The following FGF13 variants were observed in gnomAD, a reference collection of about 807,000 sequenced individuals.
FGF13 encodes fibroblast growth factor 13.
A neutral mutation model predicts 19.5 loss-of-function variants in FGF13; 2 were observed. The ratio of observed to expected loss-of-function variants is 0.10; its 90% CI spans 0.04 to 0.32. The LOEUF (loss-of-function observed/expected upper bound fraction) is 0.32, where lower values mean the gene tolerates loss of function less well. Ranked by LOEUF, FGF13 falls within the 10% of genes least tolerant of loss-of-function variation. The probability of loss-of-function intolerance (pLI) is 1.00; values close to 1 mark genes in which losing one functional copy is unlikely to be tolerated. For synonymous variants in FGF13, 72 were observed against 76.9 expected (o/e 0.94, Z 0.33); for missense variants, 113 against 192.7 (o/e 0.59, Z 2.45).
intron 1 of FGF13, among the ~76,000 whole-genome samples, chrX:138,884,450 A>G (rs1349756653): frequency 2.7e-5 from 3 of 112,367 alleles, no homozygotes. Flanking sequence ...TACCCAAAGT[A>G]TTTGTTCTCT....
At chrX:138,774,497 G>A (rs200301314) in intron 3 of FGF13, among the ~76,000 whole-genome samples, 2 of 111,775 alleles carry the variant, frequency 1.8e-5, no homozygotes, top group East Asian at 5.6e-4. Context: ...CTAGTAAGTA[G>A]TGAAATTAAC....
chrX:138,711,988 G>C (rs1184494471), upstream of FGF13: 5 of 111,420 alleles, frequency 4.5e-5, no homozygotes, highest in African/African-American at 1.6e-4. Context: ...GCGGGGGTTT[G>C]CTCGGCATTG....
chrX:139,201,807 A>G (rs2084417273), intron 1 of FGF13, among the ~76,000 whole-genome samples: 1 of 112,379 alleles, frequency 8.9e-6, no homozygotes, highest in African/African-American at 3.2e-5. Flanking sequence ...ACTAATGGCT[A>G]CTACACACTT....
At chrX:139,141,272 C>G (rs1282499237) in intron 1 of FGF13, among the ~76,000 whole-genome samples, 1 of 111,502 alleles carries the variant, frequency 9.0e-6, no homozygotes, top group Non-Finnish European at 1.9e-5. Flanking sequence ...TCCACAAAAG[C>G]AAGGAATTCA....
chrX:139,198,806 G>A (rs746204045), intron 1 of FGF13, among the ~76,000 whole-genome samples: 8 of 110,896 alleles, frequency 7.2e-5, no homozygotes, highest in African/African-American at 2.6e-4. Flanking sequence ...AGGAGAAATC[G>A]GATCTAAGGC....
At chrX:139,020,942 CAGAAAAAAAATGTAGAGA>C (rs2092175439) in intron 1 of FGF13, among the ~76,000 whole-genome samples, 1 of 109,799 alleles carries the variant, frequency 9.1e-6, no homozygotes, top group Admixed American at 9.7e-5. Context: ...TAACCTCAAC[CAGAAAAAAAATGTAGAGA>C]AGGAAGAATG....
intron 1 of FGF13, among the ~76,000 whole-genome samples, chrX:139,061,960 T>G (rs2092337678): frequency 9.0e-6 from 1 of 111,673 alleles, no homozygotes; most frequent in South Asian, 3.8e-4. Context: ...TTATATATTT[T>G]GAACATTTAC....
chrX:139,144,007 G>A (rs1312309306), intron 1 of FGF13, among the ~76,000 whole-genome samples: 1 of 111,414 alleles, frequency 9.0e-6, no homozygotes, highest in African/African-American at 3.3e-5. Flanking sequence ...GGCCAGCTCT[G>A]CAGACCACCA....
intron 3 of FGF13, among the ~76,000 whole-genome samples, chrX:138,845,027 A>C (rs1422599464): frequency 8.9e-6 from 1 of 111,733 alleles, no homozygotes; most frequent in Non-Finnish European, 1.9e-5. Flanking sequence ...AGTCAATGCC[A>C]CCCTGCCTTA....
intron 1 of FGF13, among the ~76,000 whole-genome samples, chrX:138,955,259 T>C (rs985971571): frequency 8.0e-5 from 9 of 112,981 alleles, no homozygotes; most frequent in Admixed American, 3.7e-4. Context: ...AACTAAATCA[T>C]GTTTCACACA....
At chrX:138,882,203 T>C (rs752882541) in intron 1 of FGF13, among the ~76,000 whole-genome samples, 2 of 111,138 alleles carry the variant, frequency 1.8e-5, no homozygotes, top group Non-Finnish European at 3.8e-5. Flanking sequence ...CCTTCTATTA[T>C]TGATTTCTAG....
intron 1 of FGF13, among the ~76,000 whole-genome samples, chrX:138,939,112 T>C (rs1445527720): frequency 8.9e-6 from 1 of 112,300 alleles, no homozygotes; most frequent in Non-Finnish European, 1.9e-5. Context: ...AGCCATTTCC[T>C]AAAACAACAA....
chrX:138,859,753 T>C (rs1327145572), intron 2 of FGF13, among the ~76,000 whole-genome samples: 3 of 112,395 alleles, frequency 2.7e-5, no homozygotes, highest in East Asian at 5.6e-4. Flanking sequence ...ACATGCTGAC[T>C]GATACAAGTG....
chrX:139,048,590 A>G (rs1468544418), intron 1 of FGF13, among the ~76,000 whole-genome samples: 1 of 106,239 alleles, frequency 9.4e-6, no homozygotes, highest in South Asian at 4.2e-4. Context: ...TATTGAATAC[A>G]ATGTTGTGAT....
At chrX:138,673,098 TAGAC>T (rs1228265212) in intron 3 of FGF13, among the ~76,000 whole-genome samples, 2 of 111,202 alleles carry the variant, frequency 1.8e-5, no homozygotes, top group African/African-American at 6.5e-5. Flanking sequence ...TAGGTTTAAA[TAGAC>T]AGAATGGGAA....
intron 3 of FGF13, among the ~76,000 whole-genome samples, chrX:138,838,028 C>T (rs1222969496): frequency 2.7e-5 from 3 of 112,149 alleles, no homozygotes; most frequent in Non-Finnish European, 5.6e-5. Context: ...TCCCTTCAAA[C>T]CTTGGTAGGT....
intron 3 of FGF13, among the ~76,000 whole-genome samples, chrX:138,684,009 T>C (rs747824308): frequency 2.7e-5 from 3 of 111,642 alleles, no homozygotes; most frequent in Non-Finnish European, 3.8e-5. Flanking sequence ...GAAATAACTG[T>C]TCATTTCCCT....
intron 3 of FGF13, among the ~76,000 whole-genome samples, chrX:138,842,373 C>A (rs1354032220): frequency 9.0e-6 from 1 of 110,854 alleles, no homozygotes; most frequent in East Asian, 2.8e-4. Flanking sequence ...CTGCATTGAG[C>A]TCTACTGGAG....
intron 2 of FGF13, among the ~76,000 whole-genome samples, chrX:138,858,519 C>A (rs1403255284): frequency 9.0e-6 from 1 of 111,652 alleles, no homozygotes; most frequent in Non-Finnish European, 1.9e-5. Flanking sequence ...AAAATAGGTG[C>A]AAATTTGATC....
Sources: allele counts gnomAD v4.1 joint callset (sites outside exome capture counted in the v4.1 genomes callset), GRCh38; gene constraint gnomAD v4.1.1; transcripts MANE v1.5; gene names NCBI Gene and HGNC (gene_info 2026-07-23, HGNC 2026-07-21).